The following CYFIP2 variants were observed in gnomAD, a reference collection of about 807,000 sequenced individuals.
The protein encoded by CYFIP2 is cytoplasmic FMR1 interacting protein 2, also known as cytoplasmic FMR1-interacting protein 2.
A neutral mutation model predicts 158.7 loss-of-function variants in CYFIP2; 29 were observed. The observed-to-expected ratio is 0.18, with a 90% confidence interval of 0.14 to 0.25. CYFIP2 has a LOEUF of 0.25. CYFIP2 is among the 10% of genes least tolerant of loss of function. The probability of loss-of-function intolerance (pLI) is 1.00; values close to 1 mark genes in which losing one functional copy is unlikely to be tolerated. For missense variants in CYFIP2, 852 were observed against 1,639.5 expected (o/e 0.52, Z 8.29); for synonymous variants, 585 against 617.6 (o/e 0.95, Z 0.78).
At chr5:157,363,158 TC>T (rs925975559) in intron 26 of CYFIP2, 4 of 152,298 alleles carry the variant, frequency 2.6e-5, no homozygotes, top group African/African-American at 9.7e-5. Flanking sequence ...CCCAAGGCAC[TC>T]CAGTTTGTCT....
intron 27 of CYFIP2, 25 bp downstream of exon 27, chr5:157,382,687 A>T: frequency 2.5e-6 from 4 of 1,610,462 alleles, no homozygotes; most frequent in Non-Finnish European, 3.4e-6. Flanking sequence ...CAGCAGCTGA[A>T]TAGCCAACTG....
intron 2 of CYFIP2, 28 bp downstream of exon 2, chr5:157,285,506 G>T (rs1318779998): frequency 6.5e-7 from 1 of 1,544,162 alleles, no homozygotes; most frequent in South Asian, 1.2e-5. Flanking sequence ...TAGCACCAGG[G>T]GGCCCAGGAA....
intron 2 of CYFIP2, among the ~76,000 whole-genome samples, chr5:157,285,969 A>G (rs561425904): frequency 7.2e-5 from 11 of 152,246 alleles, no homozygotes; most frequent in East Asian, 3.8e-4. Flanking sequence ...ACTATGACCT[A>G]TCAGGGCCGG....
intron 26 of CYFIP2, among the ~76,000 whole-genome samples, chr5:157,368,827 G>C (rs1237140261): frequency 1.3e-5 from 2 of 151,676 alleles, no homozygotes; most frequent in African/African-American, 4.8e-5. Context: ...CCACCTGCCG[G>C]TTGTCAGCAC....
chr5:157,360,925 G>C (rs1022779140), intron 25 of CYFIP2, among the ~76,000 whole-genome samples: 1 of 152,178 alleles, frequency 6.6e-6, no homozygotes, highest in Non-Finnish European at 1.5e-5. Flanking sequence ...TCTAGTGCTG[G>C]ATCTGTGTGA....
intron 3 of CYFIP2, among the ~76,000 whole-genome samples, chr5:157,291,228 G>A (rs1012773032): frequency 1.3e-5 from 2 of 152,098 alleles, no homozygotes; most frequent in Admixed American, 1.3e-4. Flanking sequence ...ATACAACAAG[G>A]GTTGAACACG....
At chr5:157,356,765 A>G (rs1390076845) in intron 23 of CYFIP2, among the ~76,000 whole-genome samples, 2 of 152,200 alleles carry the variant, frequency 1.3e-5, no homozygotes, top group African/African-American at 4.8e-5. Context: ...CATATCCTAC[A>G]TGCCTCAGTC....
intron 21 of CYFIP2, among the ~76,000 whole-genome samples, chr5:157,336,019 GT>G: frequency 6.6e-6 from 1 of 152,186 alleles, no homozygotes; most frequent in East Asian, 1.9e-4. Flanking sequence ...GAGAACACCA[GT>G]TCCTGGGAAG....
intron 7 of CYFIP2, among the ~76,000 whole-genome samples, chr5:157,303,833 C>T (rs1758988065): frequency 6.6e-6 from 1 of 151,808 alleles, no homozygotes; most frequent in South Asian, 2.1e-4. Flanking sequence ...CTCCCCACCG[C>T]CAGCTCTCCT....
At position 157,304,372 on chromosome 5, in the gene CYFIP2, A is replaced by C; in HGVS notation, c.795+6A>C. Reference sequence around the variant, plus strand: ...AGAAACATATGCTCCTCAAGGTAAAACTCCCCTGAGGCCGCACCCATGGAG... The same window carrying C: ...AGAAACATATGCTCCTCAAGGTAAACCTCCCCTGAGGCCGCACCCATGGAG... On this transcript the variant is annotated splice_donor_region_variant and intron_variant, in intron 8 of 30. Transcript: ENST00000620254. 1 of 1,610,538 alleles carries C rather than the reference A, an allele frequency of 6.2e-7. No individual in the cohort carries two copies. Among genetic ancestry groups the C allele is most frequent in the Admixed American group, 1.7e-5 (1 of 59,816 alleles).
chr5:157,334,383 T>A (rs1761706734), intron 21 of CYFIP2, among the ~76,000 whole-genome samples: 1 of 152,194 alleles, frequency 6.6e-6, no homozygotes, highest in Admixed American at 6.5e-5. Context: ...CACCTACAAA[T>A]GGTTAAAATG....
intron 26 of CYFIP2, among the ~76,000 whole-genome samples, chr5:157,377,231 AAGAG>A (rs1225143748): frequency 6.6e-6 from 1 of 151,992 alleles, no homozygotes; most frequent in Non-Finnish European, 1.5e-5. Flanking sequence ...CTAGAAATCT[AAGAG>A]AGGCTTAGAA....
rs1327815198 is a variant in CYFIP2 at position 157,360,302 on chromosome 5, G to A, written c.2838G>A (p.Gln946=). 5 of 1,613,792 alleles carry A rather than the reference G, an allele frequency of 3.1e-6. No individual in the cohort carries two copies. Among genetic ancestry groups the A allele is most frequent in the East Asian group, 4.5e-5 (2 of 44,882 alleles). ...GTCAGCTCCAAGGAACCATTCTCCA[G>A]TATGTGAAAACACTGATAGAGGTGA... ...VKSLLQGTIL[Q]YVKTLIEVMP... Residue 946 remains glutamine, a synonymous_variant, in exon 25 of 31, where the codon CAG becomes CAA. Transcript: ENST00000620254.
intron 23 of CYFIP2, chr5:157,342,961 A>G (rs144111305): frequency 6.2e-7 from 1 of 1,614,090 alleles, no homozygotes; most frequent in African/African-American, 1.3e-5. Flanking sequence ...GATCCAGTTC[A>G]GCTCCATCTC....
Position 157,332,589 on chromosome 5 carries a change from T to C in CYFIP2, c.2266-738T>C, listed in dbSNP as rs558222781. ...TTCGTCCCAGTTATGTCCTTTGTAA[T>C]TTTAATCCAGTTTCTTATCGGTGCA... On this transcript the variant is annotated intron_variant, in intron 20 of 30. Transcript: ENST00000620254. Among the ~76,000 whole-genome samples, 3 of 151,930 alleles carry C rather than the reference T, an allele frequency of 2.0e-5. No individual in the cohort carries two copies. The East Asian group carries it at 5.8e-4, about 29-fold the overall frequency.
intron 21 of CYFIP2, among the ~76,000 whole-genome samples, chr5:157,338,296 C>T (rs1762000888): frequency 6.6e-6 from 1 of 152,268 alleles, no homozygotes; most frequent in Non-Finnish European, 1.5e-5. Context: ...AGACTGCAGA[C>T]TGCTTGCCCA....
chr5:157,343,600 A>G lies in CYFIP2; in HGVS notation c.2673+2443A>G, dbSNP rs561504523. ...CCCCTGATTTAAGTATGTATTTATC[A>G]TAATCATAGCCACCATTTATTGCAC... On this transcript the variant is annotated intron_variant, in intron 23 of 30. Transcript: ENST00000620254. 5 of 1,339,100 alleles carry G rather than the reference A, an allele frequency of 3.7e-6. No homozygotes were observed. The East Asian group carries it at 9.7e-5, about 26-fold the overall frequency. 83.0% of individuals were successfully genotyped at this position (1,339,100 alleles called of 1,614,324 possible).
At position 157,395,076 on chromosome 5, in the gene CYFIP2, C is replaced by T. The variant is rs1338759278; in HGVS notation, c.*2076C>T. The T allele has an allele frequency of 1.3e-5, 2 of 155,870 alleles. No individual in the cohort carries two copies. The highest frequency in any genetic ancestry group is 4.8e-5 in the African/African-American group (2 of 41,472). The allele number at this position is 155,870 out of a possible 1,614,324, so 9.7% of individuals were successfully genotyped here. A position where few individuals can be genotyped will look rare whatever the true frequency, so the allele number is the denominator to read the frequency against. On this transcript the variant is annotated 3_prime_UTR_variant, in exon 31 of 31. Transcript: ENST00000620254. Reference sequence around the variant, plus strand: ...ATGAGATTTCTATTTCAATAACCCACCTCTCTCACCCCACATTCATATCCC... The same window carrying T: ...ATGAGATTTCTATTTCAATAACCCATCTCTCTCACCCCACATTCATATCCC...
rs760767488 is a variant in CYFIP2 at position 157,328,037 on chromosome 5, C to G, written c.2144C>G (p.Ala715Gly). The G allele has an allele frequency of 6.2e-7, 1 of 1,613,862 alleles. No homozygotes were observed. Among genetic ancestry groups the G allele is most frequent in the East Asian group, 2.2e-5 (1 of 44,880 alleles). Residue 715 changes from alanine (A) to glycine (G), a missense_variant, in exon 19 of 31, where the codon GCC becomes GGC. Physicochemically the swap from Ala to Gly is moderately conservative, Grantham distance 60. This residue lies in a region of CYFIP2 where 191 missense variants were observed against 311.2 expected (regional missense o/e 0.61). Transcript: ENST00000620254. ...LADQIFAYYK[A>G]MAGSVLLDKR... The stretch of plus-strand genomic sequence containing the variant: ...GACCAGATCTTTGCTTACTACAAAG[C>G]CATGGCTGGCAGGTAGGAAAGCCCC...
Sources: gnomAD v4.1 joint callset for allele counts (sites outside exome capture counted in the v4.1 genomes callset) on GRCh38, gnomAD v4.1.1 for gene constraint, gnomAD v4.1.1 regional missense constraint, MANE v1.5 for transcripts, NCBI Gene and HGNC (gene_info 2026-07-23, HGNC 2026-07-21) for gene names.